Variants in NUP188 observed in about 807,000 individuals in gnomAD.
The protein encoded by NUP188 is nucleoporin NUP188.
A neutral mutation model predicts 223.0 loss-of-function variants in NUP188; 97 were observed. The observed-to-expected ratio is 0.43, with a 90% CI of 0.37 to 0.51. The LOEUF is 0.51. NUP188 is among the 20% of genes least tolerant of loss of function. The probability of loss-of-function intolerance (pLI) is 0.00; values close to 1 mark genes in which losing one functional copy is unlikely to be tolerated. For missense variants in NUP188, 1,947 were observed against 2,175.6 expected, an observed-to-expected ratio of 0.89 and a Z score of 2.09; for synonymous variants, 869 against 828.0, an observed-to-expected ratio of 1.05 and a Z score of -0.85.
Position 128,995,882 on chromosome 9 carries a change from T to C in NUP188, c.3351+368T>C, listed in dbSNP as rs527504329. Among the ~76,000 whole-genome samples the C allele has an allele frequency of 2.6e-5, 4 of 152,330 alleles. No individual in the cohort carries two copies. In the East Asian group the frequency reaches 7.7e-4, roughly 29 times the overall value. The stretch of plus-strand genomic sequence containing the variant: ...AGATGCTAGGTCAATAAATACTTGT[T>C]GACTAGTCAGCAGGGAGCTGTGACA... On this transcript the variant is annotated intron_variant, in intron 30 of 43. Coordinates refer to ENST00000372577, the MANE Select transcript of NUP188 (RefSeq NM_015354.3).
intron 30 of NUP188, 29 bp from the exon 31 acceptor site, chr9:128,998,122 A>G: frequency 6.3e-7 from 1 of 1,589,766 alleles, no homozygotes; most frequent in Admixed American, 1.7e-5. Context: ...AAATTTTCCC[A>G]GCTGAAACCT....
intron 38 of NUP188, among the ~76,000 whole-genome samples, chr9:129,004,150 G>A (rs1163303298): frequency 3.3e-5 from 5 of 151,714 alleles, no homozygotes; most frequent in Non-Finnish European, 4.4e-5. Flanking sequence ...GGTGGCACAC[G>A]CCTGTAGTCC....
rs770708814 is a variant in NUP188, at chr9:128,986,621, A to G, written c.2140A>G (p.Met714Val). Residue 714 changes from methionine to valine, a missense_variant, in exon 21 of 44, where the codon ATG (methionine) becomes GTG (valine). Coordinates refer to ENST00000372577, the MANE Select transcript of NUP188 (RefSeq NM_015354.3). ...CTGTGTAATGTTTGTGCTGAAGGAG[A>G]TGCTTCCCAGCTACCATAAGTGGCG... Reference protein sequence around the residue: ...VPCVMFVLKEMLPSYHKWRYN... With the variant: ...VPCVMFVLKEVLPSYHKWRYN... The G allele has an allele frequency of 6.2e-7, 1 of 1,614,160 alleles. No individual in the cohort carries two copies. The highest frequency in any genetic ancestry group is 8.5e-7 in the Non-Finnish European group (1 of 1,180,018).
chr9:128,957,141 G>T, intron 5 of NUP188, 109 bp downstream of exon 5: 1 of 689,872 alleles, frequency 1.4e-6, no homozygotes, highest in Non-Finnish European at 2.5e-6. Flanking sequence ...TAGGTGATCA[G>T]GTACCGTCAT....
intron 38 of NUP188, chr9:129,003,716 G>A (rs1208513287): frequency 4.0e-6 from 2 of 506,022 alleles, no homozygotes; most frequent in East Asian, 4.6e-5. Context: ...ACTTGGGGCC[G>A]GGCATGGTGG....
At chr9:128,954,953 A>T (rs1235398607) in intron 3 of NUP188, among the ~76,000 whole-genome samples, 1 of 151,032 alleles carries the variant, frequency 6.6e-6, no homozygotes, top group Admixed American at 6.6e-5. Flanking sequence ...TCCTGGGTTC[A>T]AGCAATTCTG....
chr9:128,996,968 G>A (rs1001275369), intron 30 of NUP188, among the ~76,000 whole-genome samples: 2 of 152,226 alleles, frequency 1.3e-5, no homozygotes, highest in Non-Finnish European at 2.9e-5. Flanking sequence ...CATAGAGAGT[G>A]CCCTATGATG....
chr9:128,989,906 T>A (rs1842390568), intron 24 of NUP188, among the ~76,000 whole-genome samples: 1 of 152,244 alleles, frequency 6.6e-6, no homozygotes, highest in Admixed American at 6.5e-5. Flanking sequence ...TTGCTGTCGA[T>A]GAGTTGGGTT....
chr9:128,970,831 T>A lies in NUP188; in HGVS notation c.986T>A (p.Leu329His). 1 of 1,614,160 alleles carries A rather than the reference T, an allele frequency of 6.2e-7. No homozygotes were observed. Among genetic ancestry groups the A allele is most frequent in the Non-Finnish European group, 8.5e-7 (1 of 1,180,024 alleles). The change falls in exon 11 of 44, where the codon CTC (leucine) becomes CAC (histidine). Residue 329 changes from leucine to histidine, a missense_variant. Leu to His is a moderately conservative substitution (Grantham distance 99). This residue lies in a region of NUP188 where 817 missense variants were observed against 865.8 expected (regional missense o/e 0.94). Transcript: ENST00000372577. Reference protein sequence around the residue: ...HAPVLLAWALLRHTLNPEETS... With the variant: ...HAPVLLAWALHRHTLNPEETS... The stretch of plus-strand genomic sequence containing the variant: ...CCAGTGCTTTTGGCCTGGGCTCTCC[T>A]CCGTCACACTCTGAACCCAGAAGAG...
In NUP188 at chr9:128,961,622, A is replaced by ATTT. The variant is rs1554828110; in HGVS notation, c.585+2502_585+2504dup. On this transcript the variant is annotated intron_variant, in intron 8 of 43. Coordinates refer to ENST00000372577, the MANE Select transcript of NUP188 (RefSeq NM_015354.3). ...GATAGATAGATAGATAGATAGATAGATTTTTTTTTTTTTTTTGAGACGGAG... is the reference window on the plus strand; with the variant it reads ...GATAGATAGATAGATAGATAGATAGATTTTTTTTTTTTTTTTTTTGAGACGGAG... Among the ~76,000 whole-genome samples the ATTT allele has an allele frequency of 2.2e-5, 3 of 133,954 alleles. 1 individual carries two copies. The highest frequency in any genetic ancestry group is 1.5e-4 in the Admixed American group (2 of 13,246). The allele number at this position is 133,954 out of a possible 152,430, so 87.9% of individuals were successfully genotyped here.
intron 5 of NUP188, 146 bp downstream of exon 5, chr9:128,957,178 T>A: frequency 2.8e-5 from 15 of 536,852 alleles, no homozygotes; most frequent in Admixed American, 3.7e-5. Flanking sequence ...CTAAAGGCTT[T>A]AAAAAAAACA....
intron 22 of NUP188, 129 bp downstream of exon 22, chr9:128,987,004 T>C (rs188889444): frequency 2.6e-5 from 18 of 702,516 alleles, no homozygotes; most frequent in East Asian, 2.5e-4. Context: ...AATCTTGAGG[T>C]TGTTAGTTGC....
At chr9:128,966,128 CGTGTGTGTGT>C (rs34851120) in intron 8 of NUP188, among the ~76,000 whole-genome samples, 1,502 of 136,842 alleles carry the variant, frequency 0.011, 8 homozygotes, top group Middle Eastern at 0.025. Context: ...TTTCTGCCTC[CGTGTGTGTGT>C]GTGTGTGTGT....
At chr9:128,973,620 C>T (rs751232240) in intron 12 of NUP188, among the ~76,000 whole-genome samples, 2 of 152,066 alleles carry the variant, frequency 1.3e-5, no homozygotes, top group Non-Finnish European at 2.9e-5. Context: ...TGACATCAGG[C>T]GATCCGCCTG....
intron 2 of NUP188, among the ~76,000 whole-genome samples, chr9:128,950,807 C>T (rs1002826341): frequency 1.3e-5 from 2 of 152,066 alleles, no homozygotes; most frequent in Non-Finnish European, 2.9e-5. Context: ...GCCTGGGAGA[C>T]ACATCGAGAC....
chr9:128,965,375 T>G (rs969405025), intron 8 of NUP188, among the ~76,000 whole-genome samples: 1 of 152,206 alleles, frequency 6.6e-6, no homozygotes, highest in African/African-American at 2.4e-5. Context: ...TTTCTTATGC[T>G]TTTACTCTCT....
intron 23 of NUP188, 130 bp from the exon 24 acceptor site, chr9:128,987,917 T>C (rs1468962752): frequency 8.2e-7 from 1 of 1,222,980 alleles, no homozygotes; most frequent in East Asian, 2.3e-5. Context: ...CTCTCCTAGT[T>C]TGGACTGGGG....
chr9:128,973,528 G>A (rs553822442), intron 12 of NUP188, among the ~76,000 whole-genome samples: 12 of 152,124 alleles, frequency 7.9e-5, no homozygotes, highest in African/African-American at 2.9e-4. Flanking sequence ...AATTACAGGC[G>A]TCCGCCACCT....
intron 25 of NUP188, among the ~76,000 whole-genome samples, chr9:128,991,794 G>C (rs1842436285): frequency 6.9e-6 from 1 of 144,028 alleles, no homozygotes; most frequent in East Asian, 2.1e-4. Flanking sequence ...AGTGAGCCGA[G>C]TTCACACCAC....
Sources: gnomAD v4.1 joint callset for allele counts (sites outside exome capture counted in the v4.1 genomes callset) on GRCh38, gnomAD v4.1.1 for gene constraint, gnomAD v4.1.1 regional missense constraint, MANE v1.5 for transcripts, NCBI Gene and HGNC (gene_info 2026-07-23, HGNC 2026-07-21) for gene names.